MKLN1: variants seen among roughly 807,000 people sequenced by gnomAD.
MKLN1 encodes the protein muskelin 1.
MKLN1 carries 18 observed loss-of-function variants against 99.0 expected under a neutral mutation model. The observed-to-expected ratio is 0.18, with a 90% CI of 0.13 to 0.27. The LOEUF is 0.27. MKLN1 is among the 10% of genes least tolerant of loss of function. The pLI is 1.00. For synonymous variants in MKLN1, 288 were observed against 293.2 expected (o/e 0.98, Z 0.18); for missense variants, 621 against 875.9 (o/e 0.71, Z 3.67).
At chr7:131,387,839 A>G (rs1171809331) in intron 3 of MKLN1, among the ~76,000 whole-genome samples, 2 of 152,146 alleles carry the variant, frequency 1.3e-5, no homozygotes, top group African/African-American at 4.8e-5. Flanking sequence ...TCAGATAGCT[A>G]ATGGAATGGA....
intron 16 of MKLN1, among the ~76,000 whole-genome samples, chr7:131,476,409 C>T (rs921602587): frequency 6.6e-6 from 1 of 150,888 alleles, no homozygotes; most frequent in Non-Finnish European, 1.5e-5. Context: ...ATGGTGTCTA[C>T]AAAACAATAT....
intron 1 of MKLN1, among the ~76,000 whole-genome samples, chr7:131,137,581 T>C: frequency 6.6e-6 from 1 of 152,150 alleles, no homozygotes; most frequent in Non-Finnish European, 1.5e-5. Context: ...TTTGGTTTTG[T>C]TTTTGTTTTT....
At chr7:131,464,468 A>C (rs1412128502) in intron 14 of MKLN1, 60 bp downstream of exon 14, 7 of 927,406 alleles carry the variant, frequency 7.5e-6, no homozygotes, top group Non-Finnish European at 1.2e-5. Context: ...ACAATCCCCA[A>C]ATATATCTTT....
chr7:131,375,561 A>G, intron 2 of MKLN1, 68 bp downstream of exon 2: 1 of 906,952 alleles, frequency 1.1e-6, no homozygotes, highest in Non-Finnish European at 1.8e-6. Flanking sequence ...AATTGATACT[A>G]GTTATCTGGA....
intron 1 of MKLN1, among the ~76,000 whole-genome samples, chr7:131,340,659 A>G (rs1178033688): frequency 2.0e-5 from 3 of 152,236 alleles, no homozygotes; most frequent in African/African-American, 7.2e-5. Flanking sequence ...CATAGAATGT[A>G]TGGAATTTTC....
chr7:131,420,666 A>G (rs1335078937), intron 8 of MKLN1, among the ~76,000 whole-genome samples: 1 of 152,210 alleles, frequency 6.6e-6, no homozygotes, highest in East Asian at 1.9e-4. Flanking sequence ...TCAAACCATT[A>G]TTACTACAAT....
intron 9 of MKLN1, among the ~76,000 whole-genome samples, chr7:131,436,139 TAA>T (rs1295463326): frequency 6.6e-6 from 1 of 152,198 alleles, no homozygotes; most frequent in Non-Finnish European, 1.5e-5. Flanking sequence ...TATTTTAAAA[TAA>T]GTTTGAAAAT....
intron 8 of MKLN1, among the ~76,000 whole-genome samples, chr7:131,417,006 CAA>C (rs1211965887): frequency 3.5e-5 from 5 of 141,342 alleles, no homozygotes; most frequent in African/African-American, 7.8e-5. Flanking sequence ...AAAAAAAACT[CAA>C]AGAGGAAAAA....
chr7:131,196,950 C>T (rs1002485235), intron 2 of MKLN1, among the ~76,000 whole-genome samples: 20 of 152,126 alleles, frequency 1.3e-4, no homozygotes, highest in Non-Finnish European at 2.2e-4. Context: ...TTCCAAATGC[C>T]GTGACAAGTC....
chr7:131,385,710 TG>T, intron 2 of MKLN1, among the ~76,000 whole-genome samples: 1 of 152,216 alleles, frequency 6.6e-6, no homozygotes, highest in Middle Eastern at 3.4e-3. Context: ...GTTTTTAAAT[TG>T]GGTTGTTTGT....
intron 3 of MKLN1, among the ~76,000 whole-genome samples, chr7:131,305,796 T>C (rs75037182): frequency 6.6e-6 from 1 of 152,126 alleles, no homozygotes; most frequent in Non-Finnish European, 1.5e-5. Flanking sequence ...TTTCCATAAA[T>C]ATATGTTGCA....
intron 3 of MKLN1, among the ~76,000 whole-genome samples, chr7:131,296,796 G>A (rs1167736413): frequency 6.6e-6 from 1 of 152,156 alleles, no homozygotes; most frequent in Non-Finnish European, 1.5e-5. Flanking sequence ...GAGTGTAGTA[G>A]CATGATTTCA....
chr7:131,147,989 T>A (rs1178419490), intron 2 of MKLN1, among the ~76,000 whole-genome samples: 1 of 152,180 alleles, frequency 6.6e-6, no homozygotes, highest in African/African-American at 2.4e-5. Context: ...CATTATGGCA[T>A]AAGCTTTAGA....
chr7:131,252,533 G>A (rs1797598934), intron 3 of MKLN1, among the ~76,000 whole-genome samples: 2 of 151,952 alleles, frequency 1.3e-5, no homozygotes, highest in African/African-American at 2.4e-5. Flanking sequence ...GTTCCATCAT[G>A]TTAGCCAGGA....
chr7:131,423,309 A>G (rs915725066), intron 8 of MKLN1, among the ~76,000 whole-genome samples: 1 of 151,970 alleles, frequency 6.6e-6, no homozygotes, highest in East Asian at 1.9e-4. Context: ...TATTATATGA[A>G]AGTGCTTTTA....
In MKLN1 at chr7:131,125,754, C is replaced by T. The variant is rs559079076; in HGVS notation, c.-419+15547C>T. ...GCACGGTGGCTCACGCCTGTAATCC[C>T]AGCCCTTTGGGAGGCTGAGGCAGGA... On this transcript the variant is annotated intron_variant, in intron 1 of 7. Coordinates refer to the MKLN1 transcript ENST00000416992. 5.9e-5 allele frequency among the ~76,000 whole-genome samples: 9 copies of T among 152,092 alleles called. No individual in the cohort carries two copies. In the South Asian group the frequency reaches 1.9e-3, roughly 32 times the overall value.
At chr7:131,110,776 A>C (rs1458424115) in intron 1 of MKLN1, among the ~76,000 whole-genome samples, 7 of 152,166 alleles carry the variant, frequency 4.6e-5, no homozygotes. Context: ...TTAAAGGAGA[A>C]AGAAAACTAT....
At chr7:131,341,228 T>G (rs1488242895) in intron 1 of MKLN1, among the ~76,000 whole-genome samples, 1 of 152,186 alleles carries the variant, frequency 6.6e-6, no homozygotes, top group Non-Finnish European at 1.5e-5. Context: ...ACGGTTCTTC[T>G]ACTTTAGGGT....
At chr7:131,430,303 A>C (rs1795485752) in intron 9 of MKLN1, among the ~76,000 whole-genome samples, 2 of 152,034 alleles carry the variant, frequency 1.3e-5, no homozygotes, top group South Asian at 2.1e-4. Flanking sequence ...GGGATTAATC[A>C]CTGGACAGTT....
Sources: allele counts gnomAD v4.1 joint callset (sites outside exome capture counted in the v4.1 genomes callset), GRCh38; gene constraint gnomAD v4.1.1; transcripts MANE v1.5; gene names NCBI Gene and HGNC (gene_info 2026-07-23, HGNC 2026-07-21).